The following MACROD2 variants were observed in gnomAD, a reference collection of about 807,000 sequenced individuals.
MACROD2 encodes mono-ADP ribosylhydrolase 2.
A neutral mutation model predicts 70.4 loss-of-function variants in MACROD2; 36 were observed. The ratio of observed to expected loss-of-function variants is 0.51; its 90% CI spans 0.39 to 0.68. The LOEUF (loss-of-function observed/expected upper bound fraction) is 0.68. Ranked by LOEUF, MACROD2 falls within the 30% of genes least tolerant of loss-of-function variation. The probability of loss-of-function intolerance (pLI) is 0.00; values close to 1 mark genes in which losing one functional copy is unlikely to be tolerated. For missense variants in MACROD2, 496 were observed against 538.4 expected, an observed-to-expected ratio of 0.92 and a Z score of 0.78; for synonymous variants, 172 against 178.8, an observed-to-expected ratio of 0.96 and a Z score of 0.30.
intron 5 of MACROD2, among the ~76,000 whole-genome samples, chr20:14,949,674 G>T (rs561854051): frequency 6.6e-6 from 1 of 152,108 alleles, no homozygotes; most frequent in African/African-American, 2.4e-5. Flanking sequence ...GCTCATTGAC[G>T]CATTCATGGT....
chr20:15,209,625 T>A, intron 5 of MACROD2, among the ~76,000 whole-genome samples: 1 of 152,152 alleles, frequency 6.6e-6, no homozygotes, highest in South Asian at 2.1e-4. Flanking sequence ...ATATCCAAAA[T>A]CCTCACCTCA....
At chr20:15,331,747 A>G (rs2077994945) in intron 6 of MACROD2, among the ~76,000 whole-genome samples, 1 of 151,484 alleles carries the variant, frequency 6.6e-6, no homozygotes, top group South Asian at 2.1e-4. Context: ...CTTTTCTTGT[A>G]CTTTCTGAGA....
intron 6 of MACROD2, among the ~76,000 whole-genome samples, chr20:15,415,924 ATCT>A (rs2146331500): frequency 6.6e-6 from 1 of 152,308 alleles, no homozygotes; most frequent in East Asian, 1.9e-4. Flanking sequence ...GCAAAACCAA[ATCT>A]TCTCATCTTT....
chr20:14,051,783 G>T (rs1427117934), intron 2 of MACROD2: 3 of 455,512 alleles, frequency 6.6e-6, no homozygotes, highest in Non-Finnish European at 8.8e-6. Context: ...ATAGTAACAT[G>T]TAAGTATAAT....
chr20:15,920,332 G>C (rs185681196), intron 10 of MACROD2, among the ~76,000 whole-genome samples: 1 of 152,138 alleles, frequency 6.6e-6, no homozygotes, highest in Non-Finnish European at 1.5e-5. Context: ...GGAAGCAACT[G>C]TCTCAGACCA....
chr20:14,210,578 G>A (rs7261965), intron 3 of MACROD2, among the ~76,000 whole-genome samples: 4,063 of 152,258 alleles, frequency 0.027, 53 homozygotes, highest in Non-Finnish European at 0.032. Flanking sequence ...TTCAGGATTA[G>A]CAAATTGTTT....
intron 3 of MACROD2, among the ~76,000 whole-genome samples, chr20:14,238,380 A>G (rs1175252532): frequency 6.6e-6 from 1 of 152,210 alleles, no homozygotes; most frequent in African/African-American, 2.4e-5. Context: ...GAAATACTCA[A>G]CACACCAGGC....
chr20:15,750,066 AC>A (rs1224968732), intron 8 of MACROD2, among the ~76,000 whole-genome samples: 2 of 152,114 alleles, frequency 1.3e-5, no homozygotes, highest in Non-Finnish European at 2.9e-5. Context: ...GAGACAACCT[AC>A]AGAATGGGAA....
intron 5 of MACROD2, among the ~76,000 whole-genome samples, chr20:15,009,740 T>A (rs2075067152): frequency 6.6e-6 from 1 of 151,646 alleles, no homozygotes; most frequent in South Asian, 2.1e-4. Context: ...TTTTTCAGTC[T>A]TTGAAACACA....
chr20:14,168,897 C>T (rs1222905064), intron 3 of MACROD2, among the ~76,000 whole-genome samples: 4 of 151,868 alleles, frequency 2.6e-5, no homozygotes, highest in Non-Finnish European at 5.9e-5. Context: ...AAGGACATAA[C>T]AAAAAAAGGA....
At chr20:15,684,747 T>A (rs1011824516) in intron 8 of MACROD2, among the ~76,000 whole-genome samples, 1 of 152,210 alleles carries the variant, frequency 6.6e-6, no homozygotes, top group South Asian at 2.1e-4. Flanking sequence ...AGATATAGTA[T>A]GCACTTGAAA....
chr20:14,985,071 G>A (rs1204922299), intron 5 of MACROD2, among the ~76,000 whole-genome samples: 1 of 152,130 alleles, frequency 6.6e-6, no homozygotes, highest in Non-Finnish European at 1.5e-5. Context: ...ATGCATCACT[G>A]CACTCTTCTA....
At chr20:14,797,170 C>T (rs981633106) in intron 5 of MACROD2, among the ~76,000 whole-genome samples, 1 of 152,020 alleles carries the variant, frequency 6.6e-6, no homozygotes, top group Non-Finnish European at 1.5e-5. Context: ...CCCAAACTAC[C>T]ATCACTATTC....
chr20:15,636,487 A>G (rs370746885), intron 8 of MACROD2, among the ~76,000 whole-genome samples: 111 of 152,196 alleles, frequency 7.3e-4, no homozygotes, highest in African/African-American at 2.5e-3. Flanking sequence ...TCTCAACCCT[A>G]TAGGGGGCAG....
chr20:14,402,216 GC>G (rs1324938761), intron 3 of MACROD2, among the ~76,000 whole-genome samples: 1 of 152,070 alleles, frequency 6.6e-6, no homozygotes, highest in Admixed American at 6.6e-5. Context: ...AGGAGCAGTG[GC>G]TTTTTTGTGT....
At chr20:15,776,058 A>G (rs1476326884) in intron 8 of MACROD2, among the ~76,000 whole-genome samples, 3 of 152,214 alleles carry the variant, frequency 2.0e-5, no homozygotes, top group African/African-American at 7.2e-5. Context: ...CCATTTTCAC[A>G]GTATTTTAAA....
chr20:15,166,482 A>G (rs1047238040), intron 5 of MACROD2, among the ~76,000 whole-genome samples: 1 of 152,186 alleles, frequency 6.6e-6, no homozygotes, highest in Admixed American at 6.6e-5. Flanking sequence ...TGAAGAATGT[A>G]AAAAATAAAT....
At chr20:14,790,413 A>G (rs1388241540) in intron 5 of MACROD2, among the ~76,000 whole-genome samples, 1 of 152,070 alleles carries the variant, frequency 6.6e-6, no homozygotes, top group Admixed American at 6.6e-5. Context: ...TATATGTCAT[A>G]TTTCAGAGGT....
rs980211310 is a variant in MACROD2 at position 14,337,881 on chromosome 20, T to G, written c.272-155598T>G. On this transcript the variant is annotated intron_variant, in intron 3 of 17. Transcript: ENST00000684519. Reference sequence around the variant, plus strand: ...TTACTACAAGGCAGTGGTAGCATACTTATGTATTTTTTTTAAAAAGCATGT... The same window carrying G: ...TTACTACAAGGCAGTGGTAGCATACGTATGTATTTTTTTTAAAAAGCATGT... Among the ~76,000 whole-genome samples the G allele has an allele frequency of 3.8e-4, 58 of 152,328 alleles. 1 individual carries two copies. The highest frequency in any genetic ancestry group is 1.4e-3 in the African/African-American group (57 of 41,564).
Sources: allele counts gnomAD v4.1 joint callset (sites outside exome capture counted in the v4.1 genomes callset), GRCh38; gene constraint gnomAD v4.1.1; transcripts MANE v1.5; gene names NCBI Gene and HGNC (gene_info 2026-07-23, HGNC 2026-07-21).